ARHGAP21: variants seen among roughly 807,000 people sequenced by gnomAD.
ARHGAP21 encodes the protein Rho GTPase activating protein 21, also known as rho GTPase-activating protein 21.
ARHGAP21 carries 38 observed loss-of-function variants against 164.6 expected under a neutral mutation model. That is an observed-to-expected ratio of 0.23 (90% confidence interval 0.18 to 0.30). The LOEUF is 0.30. Ranked by LOEUF, ARHGAP21 falls within the 10% of genes least tolerant of loss-of-function variation. The probability of loss-of-function intolerance (pLI) is 1.00; values close to 1 mark genes in which losing one functional copy is unlikely to be tolerated. For synonymous variants in ARHGAP21, 766 were observed against 857.9 expected (o/e 0.89, Z 1.87); for missense variants, 1,822 against 2,370.7 (o/e 0.77, Z 4.81).
Position 24,585,704 on chromosome 10 carries a change from T to C in ARHGAP21, c.4585A>G (p.Arg1529Gly). ...GAGGACTTCTGTGCCAGAAGTGACCTGGGGCTCTCTTTCAGGATGGCAAAG... is the reference window on the plus strand; with the variant it reads ...GAGGACTTCTGTGCCAGAAGTGACCCGGGGCTCTCTTTCAGGATGGCAAAG... ...CRFAILKESP[R>G]SLLAQKSSHL... Residue 1529 changes from arginine (R) to glycine (G), a missense_variant, in exon 26 of 26, where the codon AGG becomes GGG. Physicochemically the swap from Arg to Gly is moderately radical, Grantham distance 125. Coordinates refer to ENST00000396432, the MANE Select transcript of ARHGAP21 (RefSeq NM_020824.4). 6.2e-7 allele frequency: 1 copy of C among 1,614,128 alleles called. No individual in the cohort carries two copies.
intron 7 of ARHGAP21, among the ~76,000 whole-genome samples, chr10:24,625,424 T>TAACTTCATGTTTGTTGGTAGATGCCAACC (rs1835046145): frequency 6.6e-6 from 1 of 150,498 alleles, no homozygotes; most frequent in African/African-American, 2.5e-5. Flanking sequence ...AAAGCAAGAG[T>TAACTTCATGTTTGTTGGTAGATGCCAACC]AACTTCATGT....
chr10:24,699,620 C>T (rs574461098), intron 2 of ARHGAP21, among the ~76,000 whole-genome samples: 3 of 152,160 alleles, frequency 2.0e-5, no homozygotes, highest in East Asian at 3.9e-4. Context: ...TCACCGTGCC[C>T]GGCCTAGAAT....
chr10:24,597,111 A>T (rs1433601707), intron 16 of ARHGAP21, among the ~76,000 whole-genome samples: 2 of 152,154 alleles, frequency 1.3e-5, no homozygotes, highest in African/African-American at 4.8e-5. Context: ...ACTACATAGA[A>T]TCAGTGTGTC....
chr10:24,703,973 A>C (rs1173937346), intron 2 of ARHGAP21, among the ~76,000 whole-genome samples: 1 of 152,228 alleles, frequency 6.6e-6, no homozygotes, highest in African/African-American at 2.4e-5. Flanking sequence ...ATTAGTCATC[A>C]ACATTTAAAA....
intron 15 of ARHGAP21, 30 bp downstream of exon 15, chr10:24,597,913 CAA>C: frequency 6.3e-7 from 1 of 1,596,984 alleles, no homozygotes; most frequent in Non-Finnish European, 8.6e-7. Context: ...ATTTTATATC[CAA>C]ATTAACTGCA....
chr10:24,615,263 G>C (rs926309383), intron 9 of ARHGAP21, among the ~76,000 whole-genome samples: 1 of 152,134 alleles, frequency 6.6e-6, no homozygotes, highest in African/African-American at 2.4e-5. Context: ...TTTATTGGTG[G>C]AACATTTTTG....
intron 1 of ARHGAP21, chr10:24,722,892 TC>T (rs1246705466): frequency 2.6e-5 from 4 of 151,716 alleles, no homozygotes; most frequent in African/African-American, 9.7e-5. Context: ...CCGCTCCCGC[TC>T]CAGGGCATGA....
At chr10:24,641,440 G>A (rs559707791) in intron 4 of ARHGAP21, among the ~76,000 whole-genome samples, 8 of 152,230 alleles carry the variant, frequency 5.3e-5, no homozygotes, top group African/African-American at 1.7e-4. Flanking sequence ...TCTCCAATCT[G>A]CAGATCCAGC....
At chr10:24,704,913 G>C (rs1201363428) in intron 2 of ARHGAP21, among the ~76,000 whole-genome samples, 5 of 152,234 alleles carry the variant, frequency 3.3e-5, no homozygotes, top group Admixed American at 6.5e-5. Flanking sequence ...TCTTCTCAGA[G>C]ACATTGGCAA....
intron 2 of ARHGAP21, among the ~76,000 whole-genome samples, chr10:24,687,990 A>G (rs796219543): frequency 1.3e-4 from 20 of 152,378 alleles, no homozygotes; most frequent in African/African-American, 3.4e-4. Flanking sequence ...CAGTAATACT[A>G]TATCAGCAAC....
intron 2 of ARHGAP21, among the ~76,000 whole-genome samples, chr10:24,701,359 C>T (rs1593336384): frequency 6.6e-6 from 1 of 151,850 alleles, no homozygotes; most frequent in East Asian, 1.9e-4. Flanking sequence ...TGGACTTATA[C>T]AAAATGAGAT....
At chr10:24,590,933 T>C (rs2076299172) in intron 24 of ARHGAP21, 4 of 939,206 alleles carry the variant, frequency 4.3e-6, no homozygotes, top group Non-Finnish European at 5.0e-6. Flanking sequence ...ACATGGAAAC[T>C]GTGAATTAAA....
At chr10:24,700,656 ATT>A (rs1843589962) in intron 2 of ARHGAP21, among the ~76,000 whole-genome samples, 1 of 152,184 alleles carries the variant, frequency 6.6e-6, no homozygotes, top group Non-Finnish European at 1.5e-5. Flanking sequence ...GCCACTTAGA[ATT>A]TTTCTACATA....
chr10:24,709,297 A>G (rs1171067324), intron 2 of ARHGAP21, among the ~76,000 whole-genome samples: 1 of 152,204 alleles, frequency 6.6e-6, no homozygotes, highest in Non-Finnish European at 1.5e-5. Flanking sequence ...AAAGCTCAGG[A>G]CTAGATGGAT....
rs1554977708 is a variant in ARHGAP21, at chr10:24,628,916, C to CACATATAT, written c.495+1072_495+1079dup. On this transcript the variant is annotated intron_variant, in intron 7 of 25. Transcript: ENST00000396432. ...ATACATACATATATACACATATATA[C>CACATATAT]ACATATATATACATACATATATATA... is the stretch of plus-strand genomic sequence containing the variant. 2.8e-3 allele frequency: 277 copies of CACATATAT among 99,592 alleles called. 7 individuals are homozygous for CACATATAT. Among genetic ancestry groups the CACATATAT allele is most frequent in the Middle Eastern group, 0.012 (2 of 166 alleles). 6.2% of individuals were successfully genotyped at this position (99,592 alleles called of 1,614,324 possible).
intron 2 of ARHGAP21, among the ~76,000 whole-genome samples, chr10:24,694,458 G>A (rs1842980714): frequency 6.6e-6 from 1 of 152,164 alleles, no homozygotes. Flanking sequence ...TTTCCTTCTG[G>A]GAGTCTAGAA....
rs1836225110 is a variant in ARHGAP21 at position 24,635,001 on chromosome 10, A to T, written c.361+10T>A. ...ATTAAAACGTATTGTTTAAAGAAGA[A>T]TATCAGCACCTGTACATAATCCAGC... On this transcript the variant is annotated intron_variant, in intron 5 of 25. Coordinates refer to ENST00000396432, the MANE Select transcript of ARHGAP21 (RefSeq NM_020824.4). 1 of 1,513,870 alleles carries T rather than the reference A, an allele frequency of 6.6e-7. No individual in the cohort carries two copies. Among genetic ancestry groups the T allele is most frequent in the African/African-American group, 1.4e-5 (1 of 71,238 alleles). The allele number at this position is 1,513,870 out of a possible 1,614,324, so 93.8% of individuals were successfully genotyped here.
At chr10:24,701,289 C>T (rs1843650256) in intron 2 of ARHGAP21, among the ~76,000 whole-genome samples, 2 of 152,252 alleles carry the variant, frequency 1.3e-5, no homozygotes, top group East Asian at 3.9e-4. Context: ...TGGGTATCTC[C>T]TTGTCGTTTC....
chr10:24,638,114 C>T (rs1056282503), intron 4 of ARHGAP21, among the ~76,000 whole-genome samples: 10 of 152,084 alleles, frequency 6.6e-5, no homozygotes, highest in Non-Finnish European at 2.9e-5. Flanking sequence ...ATCCACCCTC[C>T]TCGGCTTCCC....
Sources: allele counts gnomAD v4.1 joint callset (sites outside exome capture counted in the v4.1 genomes callset), GRCh38; gene constraint gnomAD v4.1.1; transcripts MANE v1.5; gene names NCBI Gene and HGNC (gene_info 2026-07-23, HGNC 2026-07-21).